DGKB: variants seen among roughly 807,000 people sequenced by gnomAD.
The protein encoded by DGKB is diacylglycerol kinase beta, also known as 90 kDa diacylglycerol kinase.
A neutral mutation model predicts 114.3 loss-of-function variants in DGKB; 67 were observed. That is an observed-to-expected ratio of 0.59 (90% CI 0.48 to 0.72). The LOEUF is 0.72. DGKB is among the 30% of genes least tolerant of loss of function. The probability of loss-of-function intolerance (pLI) is 0.00; values close to 1 mark genes in which losing one functional copy is unlikely to be tolerated. For missense variants in DGKB, 907 were observed against 975.2 expected (o/e 0.93, Z 0.93); for synonymous variants, 398 against 323.1 (o/e 1.23, Z -2.49).
At chr7:14,817,546 T>A (rs1844328820) in intron 2 of DGKB, among the ~76,000 whole-genome samples, 1 of 152,154 alleles carries the variant, frequency 6.6e-6, no homozygotes, top group African/African-American at 2.4e-5. Context: ...AAGTAAACAT[T>A]GGGTTTTGAT....
intron 23 of DGKB, among the ~76,000 whole-genome samples, chr7:14,241,987 C>CACAT (rs1313064199): frequency 4.0e-5 from 6 of 150,142 alleles, no homozygotes; most frequent in Non-Finnish European, 8.9e-5. Flanking sequence ...CACACACACA[C>CACAT]ATATATATAT....
intron 1 of DGKB, among the ~76,000 whole-genome samples, chr7:14,842,290 G>A (rs1848046949): frequency 6.6e-6 from 1 of 152,182 alleles, no homozygotes; most frequent in South Asian, 2.1e-4. Flanking sequence ...TGGTCTTAGT[G>A]CCTTGCCTTT....
intron 2 of DGKB, among the ~76,000 whole-genome samples, chr7:14,807,227 T>C (rs1842886103): frequency 6.6e-6 from 1 of 151,970 alleles, no homozygotes; most frequent in Non-Finnish European, 1.5e-5. Flanking sequence ...ACCTCACACA[T>C]ATAATTGTCT....
intron 1 of DGKB, among the ~76,000 whole-genome samples, chr7:14,958,714 C>A (rs2115261973): frequency 6.6e-6 from 1 of 152,092 alleles, no homozygotes; most frequent in Admixed American, 6.6e-5. Flanking sequence ...GTTTTTATCA[C>A]CTCCTTAGAT....
chr7:14,544,439 A>G (rs934019292), intron 20 of DGKB, among the ~76,000 whole-genome samples: 2 of 152,220 alleles, frequency 1.3e-5, no homozygotes, highest in Non-Finnish European at 2.9e-5. Context: ...ATACAGTTTC[A>G]TTCAAATAAT....
At chr7:14,166,079 C>T (rs1324313055) in intron 25 of DGKB, among the ~76,000 whole-genome samples, 3 of 152,146 alleles carry the variant, frequency 2.0e-5, no homozygotes, top group Non-Finnish European at 4.4e-5. Flanking sequence ...TAACCTCATC[C>T]GTATAGTCTA....
intron 4 of DGKB, among the ~76,000 whole-genome samples, chr7:14,745,357 CA>C (rs761538621): frequency 5.9e-5 from 9 of 152,152 alleles, no homozygotes; most frequent in Non-Finnish European, 8.8e-5. Context: ...GAGCAGGAAG[CA>C]GTTAAGATCA....
At chr7:14,302,895 C>T (rs750850683) in intron 23 of DGKB, among the ~76,000 whole-genome samples, 4 of 152,010 alleles carry the variant, frequency 2.6e-5, no homozygotes, top group Non-Finnish European at 5.9e-5. Flanking sequence ...GGTTTTTATT[C>T]TCAGCACTAA....
At chr7:14,655,327 C>T (rs183217822) in intron 13 of DGKB, among the ~76,000 whole-genome samples, 1 of 151,592 alleles carries the variant, frequency 6.6e-6, no homozygotes, top group African/African-American at 2.4e-5. Flanking sequence ...AAATCAAAAC[C>T]ACCATAAGAT....
At chr7:14,907,017 T>C (rs1427878767), upstream of DGKB, among the ~76,000 whole-genome samples, 1 of 152,168 alleles carries the variant, frequency 6.6e-6, no homozygotes, top group Admixed American at 6.5e-5. Context: ...CTTACCAACT[T>C]TGGCTTTAAT....
At chr7:14,805,265 T>C (rs1842656221) in intron 2 of DGKB, among the ~76,000 whole-genome samples, 1 of 151,516 alleles carries the variant, frequency 6.6e-6, no homozygotes, top group Non-Finnish European at 1.5e-5. Flanking sequence ...GCCCAGAGAA[T>C]TGTGCAATAT....
At chr7:14,210,246 C>G (rs1787536801) in intron 23 of DGKB, among the ~76,000 whole-genome samples, 1 of 151,970 alleles carries the variant, frequency 6.6e-6, no homozygotes, top group African/African-American at 2.4e-5. Context: ...GTGCAATGGC[C>G]AAGCAAGAAG....
chr7:14,437,427 T>C (rs1829438805), intron 21 of DGKB, among the ~76,000 whole-genome samples: 1 of 152,078 alleles, frequency 6.6e-6, no homozygotes, highest in Admixed American at 6.6e-5. Context: ...ATTAGAAAAA[T>C]AAAGTTAAAC....
At chr7:14,695,654 T>C (rs746982542) in intron 8 of DGKB, among the ~76,000 whole-genome samples, 7 of 151,812 alleles carry the variant, frequency 4.6e-5, no homozygotes, top group Admixed American at 2.6e-4. Context: ...CGTCCGCCAC[T>C]ACGCCCGGCT....
At chr7:14,245,048 C>T (rs75808861) in intron 23 of DGKB, among the ~76,000 whole-genome samples, 2,155 of 152,108 alleles carry the variant, frequency 0.014, 49 homozygotes, top group African/African-American at 0.05. Flanking sequence ...GTATGCAGTA[C>T]TTTTTGAATG....
chr7:14,856,135 A>G (rs970974822), intron 1 of DGKB, among the ~76,000 whole-genome samples: 34 of 152,212 alleles, frequency 2.2e-4, no homozygotes, highest in African/African-American at 7.7e-4. Context: ...GTCTAATGGC[A>G]TTAAGAATAC....
At chr7:14,547,690 T>TA (rs1194510043) in intron 20 of DGKB, among the ~76,000 whole-genome samples, 2 of 152,032 alleles carry the variant, frequency 1.3e-5, no homozygotes, top group Non-Finnish European at 1.5e-5. Flanking sequence ...TTTTTAATGT[T>TA]AAAAAAATTC....
intron 21 of DGKB, among the ~76,000 whole-genome samples, chr7:14,403,345 G>C (rs1357942786): frequency 3.9e-5 from 6 of 151,900 alleles, no homozygotes; most frequent in Admixed American, 2.0e-4. Context: ...ACAGGCATGA[G>C]AGTAATTAAT....
At chr7:14,450,082 TA>T (rs35728242) in intron 21 of DGKB, among the ~76,000 whole-genome samples, 26 of 151,174 alleles carry the variant, frequency 1.7e-4, no homozygotes, top group Admixed American at 3.3e-4. Context: ...TCCCTGGGAT[TA>T]AAAAAAAATA....
Sources: gnomAD v4.1 joint callset for allele counts (sites outside exome capture counted in the v4.1 genomes callset) on GRCh38, gnomAD v4.1.1 for gene constraint, MANE v1.5 for transcripts, NCBI Gene and HGNC (gene_info 2026-07-23, HGNC 2026-07-21) for gene names.